The following SNTB1 variants were observed in gnomAD, a reference collection of about 807,000 sequenced individuals.
The protein encoded by SNTB1 is beta-1-syntrophin.
SNTB1 carries 36 observed loss-of-function variants against 48.9 expected under a neutral mutation model. That is an observed-to-expected ratio of 0.74 (90% confidence interval 0.56 to 0.97). The LOEUF (loss-of-function observed/expected upper bound fraction) is 0.97, where lower values mean the gene tolerates loss of function less well. Ranked by LOEUF, SNTB1 falls within the 50% of genes least tolerant of loss-of-function variation. The probability of loss-of-function intolerance (pLI) is 0.00; values close to 1 mark genes in which losing one functional copy is unlikely to be tolerated. For missense variants in SNTB1, 786 were observed against 703.4 expected, an observed-to-expected ratio of 1.12 and a Z score of -1.33; for synonymous variants, 299 against 294.6, an observed-to-expected ratio of 1.01 and a Z score of -0.15.
intron 1 of SNTB1, among the ~76,000 whole-genome samples, chr8:120,726,702 A>G (rs1470087498): frequency 6.6e-6 from 1 of 152,236 alleles, no homozygotes; most frequent in Non-Finnish European, 1.5e-5. Flanking sequence ...GCCATAGAAT[A>G]CAGAAAGCTA....
At chr8:120,568,818 G>A (rs1815795258) in intron 4 of SNTB1, among the ~76,000 whole-genome samples, 1 of 152,178 alleles carries the variant, frequency 6.6e-6, no homozygotes, top group South Asian at 2.1e-4. Flanking sequence ...TTCCTCATAG[G>A]GTTAATATCC....
At chr8:120,557,432 C>T (rs1254913769) in intron 4 of SNTB1, among the ~76,000 whole-genome samples, 2 of 152,174 alleles carry the variant, frequency 1.3e-5, no homozygotes, top group East Asian at 3.9e-4. Flanking sequence ...CCTAAGCTGG[C>T]AGCCAACAGA....
intron 1 of SNTB1, among the ~76,000 whole-genome samples, chr8:120,784,837 T>C (rs1248451042): frequency 1.3e-5 from 2 of 152,138 alleles, no homozygotes; most frequent in Non-Finnish European, 2.9e-5. Flanking sequence ...AAAGAAGCAG[T>C]GGGCAGCAGC....
In SNTB1 at chr8:120,767,072, T is replaced by C. The variant is rs191483277; in HGVS notation, c.571+44201A>G. On this transcript the variant is annotated intron_variant, in intron 1 of 6. Coordinates refer to ENST00000517992, the MANE Select transcript of SNTB1 (RefSeq NM_021021.4). ...TCTAGTGCTTACACTTCTCTCATCC[T>C]ACTCTCCTCCATTTTCCAGTCTTTA... 9.8e-5 allele frequency among the ~76,000 whole-genome samples: 15 copies of C among 152,348 alleles called. No homozygotes were observed. The East Asian group carries it at 2.9e-3, about 29-fold the overall frequency.
chr8:120,722,527 G>A (rs558340321), intron 1 of SNTB1, among the ~76,000 whole-genome samples: 5 of 152,206 alleles, frequency 3.3e-5, no homozygotes, highest in South Asian at 2.1e-4. Context: ...TGTGTCTTTC[G>A]GCTGCATAAA....
At chr8:120,609,506 TC>T (rs1816584710) in intron 3 of SNTB1, among the ~76,000 whole-genome samples, 1 of 152,052 alleles carries the variant, frequency 6.6e-6, no homozygotes, top group Non-Finnish European at 1.5e-5. Flanking sequence ...AGTATGCAGT[TC>T]CCTCCCAACC....
At chr8:120,598,260 G>A (rs1426832527) in intron 3 of SNTB1, among the ~76,000 whole-genome samples, 1 of 152,112 alleles carries the variant, frequency 6.6e-6, no homozygotes, top group African/African-American at 2.4e-5. Context: ...GGGCTTATCT[G>A]GTCATTTCTT....
chr8:120,671,785 T>G (rs1817761346), intron 2 of SNTB1, among the ~76,000 whole-genome samples: 1 of 152,222 alleles, frequency 6.6e-6, no homozygotes, highest in Non-Finnish European at 1.5e-5. Context: ...TAAATTGACA[T>G]TTTAACATAA....
intron 1 of SNTB1, among the ~76,000 whole-genome samples, chr8:120,767,662 C>T (rs536930036): frequency 2.0e-5 from 3 of 152,192 alleles, no homozygotes; most frequent in African/African-American, 7.2e-5. Flanking sequence ...CTTCTTCCTC[C>T]TCATCTGTGA....
chr8:120,763,272 A>G (rs886671895), intron 1 of SNTB1, among the ~76,000 whole-genome samples: 2 of 152,238 alleles, frequency 1.3e-5, no homozygotes, highest in Non-Finnish European at 2.9e-5. Flanking sequence ...AGAGGACTGC[A>G]GAAATAAGAA....
intron 2 of SNTB1, among the ~76,000 whole-genome samples, chr8:120,686,644 T>C (rs80231716): frequency 0.095 from 14,509 of 152,014 alleles, 679 homozygotes; most frequent in Admixed American, 0.11. Flanking sequence ...AACCTGAAAA[T>C]CAGAGAGATT....
At chr8:120,684,919 G>A (rs571518457) in intron 2 of SNTB1, among the ~76,000 whole-genome samples, 1 of 152,298 alleles carries the variant, frequency 6.6e-6, no homozygotes, top group South Asian at 2.1e-4. Context: ...GCATCCCAAA[G>A]TGCTGGGATT....
chr8:120,810,719 G>C (rs1037932060), intron 1 of SNTB1, among the ~76,000 whole-genome samples: 5 of 152,192 alleles, frequency 3.3e-5, no homozygotes, highest in African/African-American at 9.7e-5. Flanking sequence ...CAGAAGGATA[G>C]TCGGAGTTTT....
In SNTB1 at chr8:120,649,432, G is replaced by A. The variant is rs1398677037; in HGVS notation, c.789-16781C>T. ...TCTGTTGGAGTACCCTGCCGTGTGA[G>A]GTGTCAGTGTGCCCCTGCTGGGGGG... On this transcript the variant is annotated intron_variant, in intron 2 of 6. Transcript: ENST00000517992. Among the ~76,000 whole-genome samples the A allele has an allele frequency of 1.0e-3, 144 of 139,984 alleles. 1 individual carries two copies. Among genetic ancestry groups the A allele is most frequent in the Non-Finnish European group, 1.9e-3 (124 of 64,826 alleles). 91.8% of individuals were successfully genotyped at this position (139,984 alleles called of 152,430 possible).
intron 1 of SNTB1, among the ~76,000 whole-genome samples, chr8:120,722,405 C>G (rs547625230): frequency 6.6e-6 from 1 of 152,172 alleles, no homozygotes; most frequent in East Asian, 1.9e-4. Flanking sequence ...TCTCCAGCAC[C>G]TGTTGTTTCC....
At chr8:120,714,098 G>A (rs549605296) in intron 1 of SNTB1, among the ~76,000 whole-genome samples, 1 of 152,266 alleles carries the variant, frequency 6.6e-6, no homozygotes, top group Non-Finnish European at 1.5e-5. Flanking sequence ...CCAGAAACAT[G>A]TAAATTTGGC....
chr8:120,588,022 T>C (rs937483934), intron 3 of SNTB1, among the ~76,000 whole-genome samples: 1 of 152,180 alleles, frequency 6.6e-6, no homozygotes, highest in Non-Finnish European at 1.5e-5. Context: ...AAAAGCTATC[T>C]TTTGAAAGGG....
rs897208465 is a variant in SNTB1 at position 120,778,614 on chromosome 8, T to G, written c.571+32659A>C. Reference sequence around the variant, plus strand: ...AAGACATAATATGACTGAAAGAAATTAGTGGTGGTGGGAATTCAAACATGG... The same window carrying G: ...AAGACATAATATGACTGAAAGAAATGAGTGGTGGTGGGAATTCAAACATGG... On this transcript the variant is annotated intron_variant, in intron 1 of 6. Transcript: ENST00000517992. Among the ~76,000 whole-genome samples, 75 of 152,324 alleles carry G rather than the reference T, an allele frequency of 4.9e-4. 1 individual carries two copies. Among genetic ancestry groups the G allele is most frequent in the Admixed American group, 4.8e-3 (74 of 15,296 alleles).
intron 3 of SNTB1, among the ~76,000 whole-genome samples, chr8:120,622,599 C>A (rs1369323670): frequency 6.6e-6 from 1 of 151,730 alleles, no homozygotes; most frequent in African/African-American, 2.4e-5. Context: ...GACAAGGGAG[C>A]AAGTAAATGC....
Sources: allele counts gnomAD v4.1 joint callset (sites outside exome capture counted in the v4.1 genomes callset), GRCh38; gene constraint gnomAD v4.1.1; transcripts MANE v1.5; gene names NCBI Gene and HGNC (gene_info 2026-07-23, HGNC 2026-07-21).